The following TANGO6 variants were observed in gnomAD, a reference collection of about 807,000 sequenced individuals.
TANGO6 encodes the protein transport and golgi organization 6 homolog.
A neutral mutation model predicts 114.2 loss-of-function variants in TANGO6; 90 were observed. The ratio of observed to expected loss-of-function variants is 0.79; its 90% confidence interval spans 0.66 to 0.94. TANGO6 has a LOEUF of 0.94. Among genes scored for constraint, TANGO6 ranks in the 40% least tolerant of loss-of-function variants. The pLI is 0.00. For missense variants in TANGO6, 1,274 were observed against 1,315.3 expected (o/e 0.97, Z 0.49); for synonymous variants, 477 against 509.8 (o/e 0.94, Z 0.87).
Position 68,928,012 on chromosome 16 carries a change from C to A in TANGO6, c.2572C>A (p.Leu858Met). ...DPQIPTRAAA[L>M]RTLSHWIEQR... is the part of the protein sequence containing the mutation. ...TCAAATTCCAACACGGGCTGCTGCC[C>A]TGCGTACTCTTTCCCACTGGATAGA... Residue 858 changes from leucine (L) to methionine (M), a missense_variant, in exon 13 of 18, where the codon CTG becomes ATG. Physicochemically the swap from Leu to Met is conservative, Grantham distance 15 (BLOSUM62 2). Transcript: ENST00000261778. The A allele has an allele frequency of 6.2e-7, 1 of 1,609,344 alleles. No individual in the cohort carries two copies. Among genetic ancestry groups the A allele is most frequent in the Non-Finnish European group, 8.5e-7 (1 of 1,177,838 alleles).
chr16:68,979,052 T>C (rs906985785), intron 15 of TANGO6, among the ~76,000 whole-genome samples: 4 of 151,350 alleles, frequency 2.6e-5, no homozygotes, highest in African/African-American at 9.7e-5. Flanking sequence ...CCCAAGTAGC[T>C]AGGACCACAG....
At chr16:68,894,106 G>A (rs1017472635) in intron 7 of TANGO6, among the ~76,000 whole-genome samples, 14 of 152,216 alleles carry the variant, frequency 9.2e-5, no homozygotes, top group Admixed American at 2.0e-4. Context: ...GATTTCATGG[G>A]AAGGATTATT....
intron 14 of TANGO6, among the ~76,000 whole-genome samples, chr16:68,933,666 A>G (rs1490586898): frequency 6.6e-6 from 1 of 152,124 alleles, no homozygotes; most frequent in Non-Finnish European, 1.5e-5. Flanking sequence ...GAGAAACCAT[A>G]AATTCCTCCT....
chr16:69,011,153 A>G (rs931669877), intron 15 of TANGO6, among the ~76,000 whole-genome samples: 1 of 152,186 alleles, frequency 6.6e-6, no homozygotes, highest in African/African-American at 2.4e-5. Context: ...CTTAATGTGC[A>G]GGATAAGATA....
At chr16:69,021,993 C>T (rs1959415384) in intron 15 of TANGO6, among the ~76,000 whole-genome samples, 1 of 150,844 alleles carries the variant, frequency 6.6e-6, no homozygotes, top group Non-Finnish European at 1.5e-5. Context: ...TCAGGCCATT[C>T]TCCTACCTCA....
intron 15 of TANGO6, among the ~76,000 whole-genome samples, chr16:68,977,344 A>G (rs771555226): frequency 8.6e-5 from 13 of 151,128 alleles, no homozygotes; most frequent in African/African-American, 1.7e-4. Flanking sequence ...CAATGGATTC[A>G]TGTCACAGAG....
intron 16 of TANGO6, chr16:69,034,273 T>A (rs140004582): frequency 1.3e-5 from 2 of 153,838 alleles, no homozygotes; most frequent in East Asian, 3.8e-4. Context: ...TCTCGACTCC[T>A]GTGCCCAAGA....
At chr16:68,942,267 A>G (rs947457978) in intron 14 of TANGO6, among the ~76,000 whole-genome samples, 2 of 151,982 alleles carry the variant, frequency 1.3e-5, no homozygotes, top group Non-Finnish European at 2.9e-5. Flanking sequence ...GGTTGCATTG[A>G]GCCGAGATCA....
intron 15 of TANGO6, among the ~76,000 whole-genome samples, chr16:69,009,189 C>T (rs896582016): frequency 7.3e-6 from 1 of 137,692 alleles, no homozygotes; most frequent in Non-Finnish European, 1.5e-5. Context: ...TCAAGCGATT[C>T]TCCTGTCTCA....
Position 68,927,623 on chromosome 16 carries a change from T to TATCCAACACATACCCTGATCCGGTC in TANGO6, c.2190_2214dup (p.Glu739HisfsTer4). On this transcript the variant is annotated frameshift_variant, in exon 13 of 18. Transcript: ENST00000261778. LOFTEE classifies it high-confidence loss of function. ...CAGTTGTTGCCTCTGTTGGAGAAGG[T>TATCCAACACATACCCTGATCCGGTC]ATCCAACACATACCCTGATCCGGTC... 1 of 1,614,008 alleles carries TATCCAACACATACCCTGATCCGGTC rather than the reference T, an allele frequency of 6.2e-7. No individual in the cohort carries two copies. Among genetic ancestry groups the TATCCAACACATACCCTGATCCGGTC allele is most frequent in the Non-Finnish European group, 8.5e-7 (1 of 1,179,894 alleles).
chr16:68,865,425 A>G (rs1962161114), intron 3 of TANGO6, among the ~76,000 whole-genome samples: 1 of 152,160 alleles, frequency 6.6e-6, no homozygotes. Context: ...CAAAATATGC[A>G]CTCACTCTCA....
chr16:68,882,267 C>T (rs373622163), intron 7 of TANGO6, among the ~76,000 whole-genome samples: 8 of 152,060 alleles, frequency 5.3e-5, no homozygotes, highest in Admixed American at 6.6e-5. Flanking sequence ...GAGGCCGAGG[C>T]GGGCAGATCA....
At chr16:68,910,355 G>A (rs545590989) in intron 11 of TANGO6, among the ~76,000 whole-genome samples, 6 of 152,108 alleles carry the variant, frequency 3.9e-5, no homozygotes, top group East Asian at 1.9e-4. Context: ...CACTGACCCC[G>A]TGTTACTCAG....
intron 17 of TANGO6, among the ~76,000 whole-genome samples, chr16:69,070,005 A>C (rs1005839810): frequency 6.7e-6 from 1 of 149,864 alleles, no homozygotes; most frequent in African/African-American, 2.5e-5. Flanking sequence ...TCAGGAGTTC[A>C]AGACCAGCCT....
chr16:69,060,332 T>C (rs1960095590), intron 17 of TANGO6, among the ~76,000 whole-genome samples: 1 of 152,138 alleles, frequency 6.6e-6, no homozygotes, highest in Admixed American at 6.6e-5. Context: ...TTCACTTTTA[T>C]ATTCCCAAAA....
intron 15 of TANGO6, among the ~76,000 whole-genome samples, chr16:68,992,790 C>T (rs139048335): frequency 2.0e-3 from 311 of 152,214 alleles, no homozygotes; most frequent in African/African-American, 6.8e-3. Context: ...GAAATCTGGC[C>T]GGGCACGGTG....
intron 7 of TANGO6, among the ~76,000 whole-genome samples, chr16:68,889,969 T>G (rs1048676045): frequency 6.6e-6 from 1 of 152,250 alleles, no homozygotes; most frequent in Admixed American, 6.5e-5. Flanking sequence ...CTATATTAGG[T>G]AACTTGCCTT....
chr16:69,060,915 C>T (rs1960105138), intron 17 of TANGO6, among the ~76,000 whole-genome samples: 1 of 151,828 alleles, frequency 6.6e-6, no homozygotes, highest in South Asian at 2.1e-4. Context: ...TCACTTGAAC[C>T]CGGGAGGCAG....
chr16:68,960,991 C>G (rs548203066), intron 14 of TANGO6, among the ~76,000 whole-genome samples: 1 of 152,146 alleles, frequency 6.6e-6, no homozygotes, highest in Non-Finnish European at 1.5e-5. Context: ...GTTGGCAGCA[C>G]CTCAAGTTAG....
Sources: allele counts gnomAD v4.1 joint callset (sites outside exome capture counted in the v4.1 genomes callset), GRCh38; gene constraint gnomAD v4.1.1; transcripts MANE v1.5; gene names NCBI Gene and HGNC (gene_info 2026-07-23, HGNC 2026-07-21).